GATAD2B: variants seen among roughly 807,000 people sequenced by gnomAD.
The protein encoded by GATAD2B is GATA zinc finger domain containing 2B.
A neutral mutation model predicts 64.3 loss-of-function variants in GATAD2B; 8 were observed. The observed-to-expected ratio is 0.12, with a 90% CI of 0.07 to 0.22. The LOEUF is 0.22. Ranked by LOEUF, GATAD2B falls within the 10% of genes least tolerant of loss-of-function variation. GATAD2B has a pLI of 1.00. For missense variants in GATAD2B, 453 were observed against 752.0 expected (o/e 0.60, Z 4.65); for synonymous variants, 281 against 271.3 (o/e 1.04, Z -0.35).
At chr1:153,841,074 G>A (rs1311127584) in intron 1 of GATAD2B, among the ~76,000 whole-genome samples, 4 of 145,208 alleles carry the variant, frequency 2.8e-5, no homozygotes, top group East Asian at 4.1e-4. Flanking sequence ...GCAGTGAACC[G>A]AGATCAGGCC....
At chr1:153,849,094 C>A (rs1455891604) in intron 1 of GATAD2B, among the ~76,000 whole-genome samples, 1 of 152,100 alleles carries the variant, frequency 6.6e-6, no homozygotes, top group African/African-American at 2.4e-5. Flanking sequence ...TCAAATGATC[C>A]TCCCACCTCA....
intron 1 of GATAD2B, among the ~76,000 whole-genome samples, chr1:153,882,630 C>G (rs894490111): frequency 1.3e-5 from 2 of 152,096 alleles, no homozygotes. Context: ...TGCTTTAAGC[C>G]CAGCCATAGT....
intron 1 of GATAD2B, among the ~76,000 whole-genome samples, chr1:153,865,926 C>T (rs779464009): frequency 6.6e-6 from 1 of 151,990 alleles, no homozygotes; most frequent in East Asian, 1.9e-4. Flanking sequence ...AGTTTGAGGC[C>T]GGGCACAGTG....
At chr1:153,877,877 C>CA (rs1676885118) in intron 1 of GATAD2B, among the ~76,000 whole-genome samples, 1 of 115,288 alleles carries the variant, frequency 8.7e-6, no homozygotes, top group Non-Finnish European at 1.7e-5. Context: ...GACTCCATCT[C>CA]AAAAAAACTT....
intron 1 of GATAD2B, chr1:153,852,574 C>T (rs964456615): frequency 2.6e-6 from 2 of 773,476 alleles, no homozygotes; most frequent in Admixed American, 3.4e-5. Flanking sequence ...TAGAGCTTAT[C>T]CTGAGCATCC....
rs1315030750 is a variant in GATAD2B, at chr1:153,812,105, C to T, written c.1447G>A (p.Ala483Thr). The stretch of plus-strand genomic sequence containing the variant: ...GGAGCCGTAGTGGGGGAGAGGGCTG[C>T]CTGCTGCTGTAATCGCTGTTCAATT... ...QEIEQRLQQQAALSPTTAPAV... is the reference protein window; with the variant it reads ...QEIEQRLQQQTALSPTTAPAV... Residue 483 changes from alanine (A) to threonine (T), a missense_variant, in exon 9 of 11, where the codon GCA becomes ACA. Physicochemically the swap from Ala to Thr is moderately conservative, Grantham distance 58. Coordinates refer to ENST00000368655, the MANE Select transcript of GATAD2B (RefSeq NM_020699.4). The T allele has an allele frequency of 3.1e-6, 5 of 1,611,868 alleles. No individual in the cohort carries two copies. The highest frequency in any genetic ancestry group is 4.2e-6 in the Non-Finnish European group (5 of 1,178,264).
chr1:153,828,658 CTTT>C (rs879760854), intron 1 of GATAD2B, among the ~76,000 whole-genome samples: 1 of 141,920 alleles, frequency 7.0e-6, no homozygotes, highest in East Asian at 2.0e-4. Context: ...GATTGAAAAT[CTTT>C]TTTTTTTTTT....
intron 1 of GATAD2B, among the ~76,000 whole-genome samples, chr1:153,832,901 A>C (rs183705181): frequency 1.3e-5 from 2 of 152,332 alleles, no homozygotes; most frequent in Non-Finnish European, 2.9e-5. Context: ...GCCTTCTACT[A>C]GAAGACTTTC....
Position 153,816,484 on chromosome 1 carries a change from T to C in GATAD2B, c.1005A>G (p.Pro335=). The C allele has an allele frequency of 6.2e-7, 1 of 1,613,964 alleles. No individual in the cohort carries two copies. The highest frequency in any genetic ancestry group is 8.5e-7 in the Non-Finnish European group (1 of 1,179,820). The change falls in exon 7 of 11, where the codon CCA becomes CCG. Residue 335 remains proline (P), a synonymous_variant. Transcript: ENST00000368655. The surrounding 1 kb of genome is among the most constrained non-coding windows in gnomAD (Gnocchi z 4.9). ...QPGTVNRVSS[P]LPSPSAMTDA... is the part of the protein sequence containing the mutation. The stretch of plus-strand genomic sequence containing the variant: ...CAGTCATGGCGCTGGGGCTAGGAAG[T>C]GGCGAGGACACTCTGTTCACCGTCC...
chr1:153,815,145 T>C (rs1674422167), intron 7 of GATAD2B, among the ~76,000 whole-genome samples: 1 of 103,820 alleles, frequency 9.6e-6, no homozygotes, highest in African/African-American at 3.9e-5. Flanking sequence ...TGGTGGTGCA[T>C]ACCAGTGGTC....
At chr1:153,845,558 C>G (rs760620724) in intron 1 of GATAD2B, among the ~76,000 whole-genome samples, 120 of 149,004 alleles carry the variant, frequency 8.1e-4, no homozygotes, top group Non-Finnish European at 4.0e-4. Context: ...CCAGCCTGGG[C>G]AACATGACAA....
chr1:153,805,844 G>T lies in GATAD2B; in HGVS notation c.*4333C>A, dbSNP rs1428173073. 1.3e-5 allele frequency: 2 copies of T among 152,144 alleles called. No individual in the cohort carries two copies. Among genetic ancestry groups the T allele is most frequent in the Non-Finnish European group, 2.9e-5 (2 of 68,046 alleles). The allele number at this position is 152,144 out of a possible 1,614,324, so 9.4% of individuals were successfully genotyped here. ...CCCCTCAACCCCTTTTGTGTTGGTG[G>T]TTCTTTTTACTCTACAAAGTCCTGG... On this transcript the variant is annotated 3_prime_UTR_variant, in exon 11 of 11. Coordinates refer to ENST00000368655, the MANE Select transcript of GATAD2B (RefSeq NM_020699.4).
At chr1:153,893,035 CAG>C (rs1677469900) in intron 1 of GATAD2B, among the ~76,000 whole-genome samples, 1 of 152,008 alleles carries the variant, frequency 6.6e-6, no homozygotes, top group African/African-American at 2.4e-5. Context: ...AATATTCATG[CAG>C]AGGAGTGGAT....
Position 153,871,714 on chromosome 1 carries a change from G to A in GATAD2B, c.-1-43366C>T, listed in dbSNP as rs544641135. 1.6e-3 allele frequency among the ~76,000 whole-genome samples: 243 copies of A among 151,896 alleles called. 4 individuals carry two copies. Among genetic ancestry groups the A allele is most frequent in the African/African-American group, 5.5e-3 (227 of 41,448 alleles). Reference sequence around the variant, plus strand: ...TCGACCTCCTGGCCTCAAGTGATCCGCCCACTTCAGCCTCCCAAGGTGCTG... The same window carrying A: ...TCGACCTCCTGGCCTCAAGTGATCCACCCACTTCAGCCTCCCAAGGTGCTG... On this transcript the variant is annotated intron_variant, in intron 1 of 10. Transcript: ENST00000368655.
intron 1 of GATAD2B, among the ~76,000 whole-genome samples, chr1:153,862,769 G>C (rs1461313972): frequency 7.2e-6 from 1 of 138,732 alleles, no homozygotes; most frequent in Non-Finnish European, 1.5e-5. Context: ...TTGTTGCCCA[G>C]GCTGGAGTGC....
At chr1:153,905,421 TA>T (rs1240605958) in intron 1 of GATAD2B, among the ~76,000 whole-genome samples, 1 of 151,092 alleles carries the variant, frequency 6.6e-6, no homozygotes, top group Non-Finnish European at 1.5e-5. Flanking sequence ...CTAGGTGAAA[TA>T]AAAACTATCT....
rs972876626 is a variant in GATAD2B at position 153,806,014 on chromosome 1, C to CCCT, written c.*4160_*4162dup. Reference sequence around the variant, plus strand: ...CTTTCTATCATCCCCTGACAATCCACCCTCAAAGGCCCATAAGACTAGGTT... The same window carrying CCCT: ...CTTTCTATCATCCCCTGACAATCCACCCTCCTCAAAGGCCCATAAGACTAGGTT... On this transcript the variant is annotated 3_prime_UTR_variant, in exon 11 of 11. Coordinates refer to ENST00000368655, the MANE Select transcript of GATAD2B (RefSeq NM_020699.4). The CCCT allele has an allele frequency of 6.6e-6, 1 of 152,156 alleles. No individual in the cohort carries two copies. Among genetic ancestry groups the CCCT allele is most frequent in the African/African-American group, 2.4e-5 (1 of 41,422 alleles). The allele number at this position is 152,156 out of a possible 1,614,324, so 9.4% of individuals were successfully genotyped here. A position where few individuals can be genotyped will look rare whatever the true frequency, so the allele number is the denominator to read the frequency against.
chr1:153,860,656 T>A (rs923943158), intron 1 of GATAD2B, among the ~76,000 whole-genome samples: 2 of 151,682 alleles, frequency 1.3e-5, no homozygotes, highest in African/African-American at 4.8e-5. Flanking sequence ...TTTTCTTATC[T>A]ACTTAAAAAA....
intron 10 of GATAD2B, 127 bp downstream of exon 10, chr1:153,811,604 G>C (rs1168835788): frequency 1.4e-6 from 1 of 731,264 alleles, no homozygotes; most frequent in Non-Finnish European, 2.4e-6. Context: ...TAACAGAAGA[G>C]TGAGAGTGTA....
Sources: allele counts gnomAD v4.1 joint callset (sites outside exome capture counted in the v4.1 genomes callset), GRCh38; gene constraint gnomAD v4.1.1; non-coding constraint Gnocchi (gnomAD v3.1); transcripts MANE v1.5; gene names NCBI Gene and HGNC (gene_info 2026-07-23, HGNC 2026-07-21).